The following MYLK4 variants were observed in gnomAD, a reference collection of about 807,000 sequenced individuals.
The protein encoded by MYLK4 is caMLCK like.
In MYLK4, 46 loss-of-function variants were observed where a neutral mutation model predicts 48.1. That is an observed-to-expected ratio of 0.96 (90% CI 0.75 to 1.22). The LOEUF is 1.22. Ranked by LOEUF, MYLK4 falls within the 50% of genes most tolerant of loss-of-function variation. The pLI is 0.00. For synonymous variants in MYLK4, 170 were observed against 180.8 expected (o/e 0.94, Z 0.48); for missense variants, 451 against 486.1 (o/e 0.93, Z 0.68).
chr6:2,768,808 A>G, the MYLK4 span: 1 of 1,614,038 alleles, frequency 6.2e-7, no homozygotes, highest in Non-Finnish European at 8.5e-7. Flanking sequence ...ACAAGCTCAA[A>G]ATGAAAAGAG....
chr6:2,732,361 A>C (rs971431828), intron 2 of MYLK4, among the ~76,000 whole-genome samples: 1 of 152,100 alleles, frequency 6.6e-6, no homozygotes, highest in African/African-American at 2.4e-5. Context: ...AGCTGCAGAG[A>C]TTTACATAGG....
chr6:2,738,058 T>C (rs764593624), intron 2 of MYLK4, among the ~76,000 whole-genome samples: 23 of 146,186 alleles, frequency 1.6e-4, no homozygotes, highest in Non-Finnish European at 2.8e-4. Context: ...CTTGATGTCA[T>C]AGAAGTAGCA....
chr6:2,708,018 G>C (rs1010221993), intron 2 of MYLK4, among the ~76,000 whole-genome samples: 6 of 151,946 alleles, frequency 3.9e-5, no homozygotes, highest in African/African-American at 1.5e-4. Flanking sequence ...TTTTCCCCTG[G>C]ATGATTTAAT....
Position 2,663,875 on chromosome 6 carries a change from CAT to C in MYLK4, c.*4048_*4049del, listed in dbSNP as rs1350577424. On this transcript the variant is annotated 3_prime_UTR_variant, in exon 13 of 13. Coordinates refer to ENST00000274643, the MANE Select transcript of MYLK4 (RefSeq NM_001012418.5). Reference sequence around the variant, plus strand: ...CGACAGCAAAATACACATTAGGTAACATATGAACGCTCACACAGCAGATGCTT... The same window carrying C: ...CGACAGCAAAATACACATTAGGTAACATGAACGCTCACACAGCAGATGCTT... The C allele has an allele frequency of 1.3e-5, 2 of 152,496 alleles. No individual in the cohort carries two copies. Among genetic ancestry groups the C allele is most frequent in the Non-Finnish European group, 2.9e-5 (2 of 68,036 alleles). 9.4% of individuals were successfully genotyped at this position (152,496 alleles called of 1,614,324 possible).
chr6:2,756,930 G>A, the MYLK4 span, among the ~76,000 whole-genome samples: 1 of 152,232 alleles, frequency 6.6e-6, no homozygotes, highest in Admixed American at 6.5e-5. Context: ...TAAATTGGAA[G>A]TAGATTTCAG....
At chr6:2,678,395 T>C (rs1452772997) in intron 9 of MYLK4, 23 bp from the exon 10 acceptor site, 4 of 1,610,964 alleles carry the variant, frequency 2.5e-6, no homozygotes, top group African/African-American at 1.3e-5. Context: ...GGGTCCAGAG[T>C]GAGTATTTTT....
In MYLK4 at chr6:2,680,403, T is replaced by C. The variant is rs1001437330; in HGVS notation, c.688-112A>G. On this transcript the variant is annotated intron_variant, in intron 7 of 12. Coordinates refer to ENST00000274643, the MANE Select transcript of MYLK4 (RefSeq NM_001012418.5). ...GCTCAGAAAAAACATATCAGGCCTT[T>C]CACTTCGGGGCGGGCTTGTCCGTGT... 3.8e-6 allele frequency: 6 copies of C among 1,570,726 alleles called. No individual in the cohort carries two copies. The African/African-American group carries it at 8.1e-5, about 21-fold the overall frequency.
At chr6:2,766,428 C>A in the MYLK4 span, 1 of 1,575,482 alleles carries the variant, frequency 6.3e-7, no homozygotes, top group Non-Finnish European at 8.6e-7. Flanking sequence ...CTGTGGGGGC[C>A]GCCGGGCTGC....
At chr6:2,753,278 T>C (rs1387866015), upstream of MYLK4, among the ~76,000 whole-genome samples, 3 of 152,222 alleles carry the variant, frequency 2.0e-5, no homozygotes, top group East Asian at 3.8e-4. Context: ...AGCTCTTGTC[T>C]ACGGGTTGGC....
intron 12 of MYLK4, 93 bp from the exon 13 acceptor site, chr6:2,667,992 A>ATT (rs144227113): frequency 0.11 from 16,159 of 152,066 alleles, 1,007 homozygotes; most frequent in East Asian, 0.29. Context: ...ACCACAGATG[A>ATT]TTTTTTTTAA....
At position 2,697,298 on chromosome 6, in the gene MYLK4, C is replaced by A. The variant is rs1049943393; in HGVS notation, c.160-4439G>T. ...TTTGAGTGCAAGAACATAATTAGAA[C>A]TATCAGCTCAATTCTTGCAAACTCT... is the stretch of plus-strand genomic sequence containing the variant. On this transcript the variant is annotated intron_variant, in intron 2 of 12. Transcript: ENST00000274643. Among the ~76,000 whole-genome samples, 2 of 152,352 alleles carry A rather than the reference C, an allele frequency of 1.3e-5. 1 individual carries two copies. The highest frequency in any genetic ancestry group is 4.1e-4 in the South Asian group (2 of 4,832).
chr6:2,710,608 C>T (rs1762639271), intron 2 of MYLK4, among the ~76,000 whole-genome samples: 1 of 152,166 alleles, frequency 6.6e-6, no homozygotes, highest in Non-Finnish European at 1.5e-5. Flanking sequence ...CTATAAAAAC[C>T]CCTAATTTCA....
At chr6:2,726,276 G>A (rs73352543) in intron 2 of MYLK4, among the ~76,000 whole-genome samples, 3,167 of 152,296 alleles carry the variant, frequency 0.021, 98 homozygotes, top group African/African-American at 0.073. Flanking sequence ...ATAGACCAAT[G>A]TAATAAAAAG....
intron 2 of MYLK4, among the ~76,000 whole-genome samples, chr6:2,746,030 A>C (rs1363776987): frequency 2.0e-5 from 3 of 152,062 alleles, no homozygotes; most frequent in African/African-American, 7.2e-5. Context: ...AGGCAGGTGG[A>C]TCATGAGGTC....
At chr6:2,686,189 C>G (rs1041456269) in intron 4 of MYLK4, among the ~76,000 whole-genome samples, 2 of 152,124 alleles carry the variant, frequency 1.3e-5, no homozygotes, top group Non-Finnish European at 2.9e-5. Flanking sequence ...CATTTCAGCA[C>G]ATTTCTTGGG....
intron 2 of MYLK4, among the ~76,000 whole-genome samples, chr6:2,731,243 A>G (rs1379750867): frequency 6.7e-6 from 1 of 148,190 alleles, no homozygotes; most frequent in Admixed American, 6.6e-5. Context: ...GCTAGAATGA[A>G]CTTTTAGGGG....
At chr6:2,679,781 C>T (rs1359515199) in intron 8 of MYLK4, among the ~76,000 whole-genome samples, 2 of 152,178 alleles carry the variant, frequency 1.3e-5, no homozygotes, top group African/African-American at 4.8e-5. Context: ...TTACAACATC[C>T]ATTTTATATG....
intron 2 of MYLK4, among the ~76,000 whole-genome samples, chr6:2,734,822 C>T (rs890320106): frequency 1.3e-5 from 2 of 152,122 alleles, no homozygotes; most frequent in East Asian, 1.9e-4. Context: ...TATTCTAGTG[C>T]TTCTCACACT....
chr6:2,756,357 A>G, the MYLK4 span, among the ~76,000 whole-genome samples: 1 of 152,100 alleles, frequency 6.6e-6, no homozygotes, highest in Non-Finnish European at 1.5e-5. Context: ...GCTGGCTCCT[A>G]TGTACTTTTG....
Sources: allele counts gnomAD v4.1 joint callset (sites outside exome capture counted in the v4.1 genomes callset), GRCh38; gene constraint gnomAD v4.1.1; transcripts MANE v1.5; gene names NCBI Gene and HGNC (gene_info 2026-07-23, HGNC 2026-07-21).